Variants in HERC1 observed in about 807,000 individuals in gnomAD.
The protein encoded by HERC1 is probable E3 ubiquitin-protein ligase HERC1.
In HERC1, 160 loss-of-function variants were observed where a neutral mutation model predicts 554.3. The ratio of observed to expected loss-of-function variants is 0.29; its 90% CI spans 0.25 to 0.33. The LOEUF is 0.33. Ranked by LOEUF, HERC1 falls within the 10% of genes least tolerant of loss-of-function variation. The pLI, the probability that HERC1 is intolerant of heterozygous loss-of-function variation, is 1.00. For synonymous variants in HERC1, 2,175 were observed against 2,131.7 expected, an observed-to-expected ratio of 1.02 and a Z score of -0.56; for missense variants, 4,919 against 5,918.5, an observed-to-expected ratio of 0.83 and a Z score of 5.54.
intron 1 of HERC1, among the ~76,000 whole-genome samples, chr15:63,816,202 A>G (rs2077488480): frequency 6.6e-6 from 1 of 152,236 alleles, no homozygotes; most frequent in Non-Finnish European, 1.5e-5. Flanking sequence ...TACTAATTTA[A>G]TGTTAAACAG....
chr15:63,756,303 A>G lies in HERC1; in HGVS notation c.1533+134T>C. 1.5e-6 allele frequency: 1 copy of G among 674,166 alleles called. No homozygotes were observed. Among genetic ancestry groups the G allele is most frequent in the Non-Finnish European group, 2.6e-6 (1 of 382,408 alleles). 41.8% of individuals were successfully genotyped at this position (674,166 alleles called of 1,614,324 possible). A position where few individuals can be genotyped will look rare whatever the true frequency, so the allele number is the denominator to read the frequency against. The stretch of plus-strand genomic sequence containing the variant: ...TACAAAGGTGTTCTGTAAACTGTAA[A>G]GCAGAGATACAAAAGATTAAGCCAA... On this transcript the variant is annotated intron_variant, in intron 5 of 77. Transcript: ENST00000443617. The surrounding 1 kb of genome is among the most constrained non-coding windows in gnomAD (Gnocchi z 5.0).
chr15:63,744,110 C>CTGTG (rs142936354), intron 12 of HERC1, among the ~76,000 whole-genome samples: 1,455 of 91,468 alleles, frequency 0.016, 16 homozygotes, highest in East Asian at 0.036. Context: ...CCCAAACAGA[C>CTGTG]TGTGTGTGTG....
chr15:63,803,185 T>C (rs1261994103), intron 1 of HERC1, among the ~76,000 whole-genome samples: 1 of 152,026 alleles, frequency 6.6e-6, no homozygotes, highest in Non-Finnish European at 1.5e-5. Flanking sequence ...AGCAACCCTG[T>C]CTCAAAAAAT....
At chr15:63,695,428 C>T (rs1345479130) in intron 27 of HERC1, among the ~76,000 whole-genome samples, 1 of 145,026 alleles carries the variant, frequency 6.9e-6, no homozygotes, top group African/African-American at 2.6e-5. Context: ...CTCTGTTGCC[C>T]AGGCTGGAGT....
rs539645760 is a variant in HERC1 at position 63,747,114 on chromosome 15, G to A, written c.2355-31C>T. ...ACCAAATAAACGTCTATGAATTCTC[G>A]GATCATAAAAGTGCCTGTGCTATCC... On this transcript the variant is annotated intron_variant, in intron 11 of 77. Transcript: ENST00000443617. 5.0e-5 allele frequency: 79 copies of A among 1,573,078 alleles called. 1 individual carries two copies. Among genetic ancestry groups the A allele is most frequent in the African/African-American group, 1.9e-4 (14 of 73,880 alleles).
At chr15:63,728,589 G>A (rs1363634769) in intron 16 of HERC1, among the ~76,000 whole-genome samples, 1 of 152,068 alleles carries the variant, frequency 6.6e-6, no homozygotes, top group African/African-American at 2.4e-5. Flanking sequence ...GGATAACCAA[G>A]AAAAGACACC....
intron 7 of HERC1, among the ~76,000 whole-genome samples, chr15:63,753,591 A>AT (rs2075319976): frequency 1.3e-5 from 2 of 152,200 alleles, no homozygotes; most frequent in Non-Finnish European, 2.9e-5. Flanking sequence ...GGAATAAAAA[A>AT]AAGTATAAAT....
intron 2 of HERC1, among the ~76,000 whole-genome samples, chr15:63,773,579 G>C (rs771034824): frequency 1.3e-5 from 2 of 149,166 alleles, no homozygotes; most frequent in Admixed American, 6.7e-5. Context: ...ACAGATTCTC[G>C]CTCTGTTGCC....
intron 75 of HERC1, 137 bp from the exon 76 acceptor site, chr15:63,616,057 C>A: frequency 2.8e-6 from 2 of 710,864 alleles, no homozygotes; most frequent in East Asian, 2.8e-5. Flanking sequence ...ACAGGTAGGA[C>A]TGATCAGGCT....
At position 63,656,070 on chromosome 15, in the gene HERC1, G is replaced by T. The variant is rs766628646; in HGVS notation, c.9870+18C>A. The stretch of plus-strand genomic sequence containing the variant: ...GAAATAATCAATGTAACGGGGAAAA[G>T]TACTGAAAGTAGCTTACCTGTGTAC... On this transcript the variant is annotated intron_variant, in intron 49 of 77. Coordinates refer to ENST00000443617, the MANE Select transcript of HERC1 (RefSeq NM_003922.4). 1 of 1,608,138 alleles carries T rather than the reference G, an allele frequency of 6.2e-7. No individual in the cohort carries two copies. Among genetic ancestry groups the T allele is most frequent in the Non-Finnish European group, 8.5e-7 (1 of 1,175,494 alleles).
Position 63,707,666 on chromosome 15 carries a change from C to T in HERC1, c.4585-835G>A, listed in dbSNP as rs192461770. Among the ~76,000 whole-genome samples, 24 of 152,260 alleles carry T rather than the reference C, an allele frequency of 1.6e-4. No individual in the cohort carries two copies. In the East Asian group the frequency reaches 2.9e-3, roughly 18 times the overall value. On this transcript the variant is annotated intron_variant, in intron 24 of 77. Transcript: ENST00000443617. ...AAACAAGGCCGGGAGTGGTGGCTCACACCTGTAATCCCAGCACTTTGGAAA... is the reference window on the plus strand; with the variant it reads ...AAACAAGGCCGGGAGTGGTGGCTCATACCTGTAATCCCAGCACTTTGGAAA...
At position 63,674,662 on chromosome 15, in the gene HERC1, G is replaced by C. The variant is rs1161604873; in HGVS notation, c.7526C>G (p.Ser2509Cys). 4 of 1,613,738 alleles carry C rather than the reference G, an allele frequency of 2.5e-6. No individual in the cohort carries two copies. In the African/African-American group the frequency reaches 5.3e-5, roughly 22 times the overall value. ...CTTCATAGCACCGAGGTAAAGATAGGACAGCTGGACTGCTCTGATTTCTGA... is the reference window on the plus strand; with the variant it reads ...CTTCATAGCACCGAGGTAAAGATAGCACAGCTGGACTGCTCTGATTTCTGA... ...AQSEIRAVQL[S>C]YLYLGAMKSL... Residue 2509 changes from serine to cysteine, a missense_variant, in exon 38 of 78, where the codon TCC becomes TGC. Physicochemically the swap from Ser to Cys is moderately radical, Grantham distance 112. This residue lies in a region of HERC1 where 1,963 missense variants were observed against 2,228.6 expected (regional missense o/e 0.88). Coordinates refer to ENST00000443617, the MANE Select transcript of HERC1 (RefSeq NM_003922.4).
chr15:63,693,309 T>A (rs2072227096), intron 30 of HERC1, among the ~76,000 whole-genome samples: 1 of 151,304 alleles, frequency 6.6e-6, no homozygotes, highest in Non-Finnish European at 1.5e-5. Context: ...AGTGGTGTGA[T>A]CTCAGCTCAC....
intron 67 of HERC1, among the ~76,000 whole-genome samples, chr15:63,633,553 G>T (rs2068656331): frequency 6.6e-6 from 1 of 152,136 alleles, no homozygotes. Context: ...TGACATCCTG[G>T]AGATATGTTT....
Position 63,634,806 on chromosome 15 carries a change from A to G in HERC1, c.12497T>C (p.Leu4166Pro). ...FTFGNGDYGR[L>P]GLGNTSNKKL... ...TTTGTTAGAGGTATTTCCAAGACCC[A>G]GACGACCATAGTCACCATTCCCAAA... is the stretch of plus-strand genomic sequence containing the variant. Residue 4166 changes from leucine (L) to proline (P), a missense_variant, in exon 66 of 78, where the codon CTG (leucine) becomes CCG (proline). Leu to Pro is a moderately conservative substitution (Grantham distance 98). This residue lies in a region of HERC1 where 410 missense variants were observed against 467.0 expected (regional missense o/e 0.88). Transcript: ENST00000443617. 6.2e-7 allele frequency: 1 copy of G among 1,613,344 alleles called. No individual in the cohort carries two copies. The highest frequency in any genetic ancestry group is 8.5e-7 in the Non-Finnish European group (1 of 1,179,476).
At chr15:63,789,919 T>C (rs1053305575) in intron 1 of HERC1, among the ~76,000 whole-genome samples, 3 of 151,968 alleles carry the variant, frequency 2.0e-5, no homozygotes, top group Non-Finnish European at 4.4e-5. Flanking sequence ...AGCTAAATAC[T>C]AGAAAGAAGA....
intron 1 of HERC1, among the ~76,000 whole-genome samples, chr15:63,810,545 T>C (rs372226906): frequency 6.6e-6 from 1 of 152,144 alleles, no homozygotes; most frequent in Non-Finnish European, 1.5e-5. Context: ...AGATACAGTA[T>C]GAATGAATGA....
At chr15:63,714,684 TA>T (rs2073466125) in intron 22 of HERC1, among the ~76,000 whole-genome samples, 2 of 151,216 alleles carry the variant, frequency 1.3e-5, no homozygotes, top group Non-Finnish European at 2.9e-5. Flanking sequence ...GAGTAGCTGG[TA>T]TTACAGATGC....
At chr15:63,645,713 G>C (rs1414749665) in intron 55 of HERC1, 31 bp from the exon 56 acceptor site, 2 of 1,304,848 alleles carry the variant, frequency 1.5e-6, no homozygotes, top group South Asian at 1.5e-5. Flanking sequence ...AAAAAAATCA[G>C]AGTAATGTTT....
Sources: gnomAD v4.1 joint callset for allele counts (sites outside exome capture counted in the v4.1 genomes callset) on GRCh38, gnomAD v4.1.1 for gene constraint, gnomAD v4.1.1 regional missense constraint, Gnocchi (gnomAD v3.1) non-coding constraint, MANE v1.5 for transcripts, NCBI Gene and HGNC (gene_info 2026-07-23, HGNC 2026-07-21) for gene names.